CNTN4: variants seen among roughly 807,000 people sequenced by gnomAD.
CNTN4 encodes the protein contactin-4.
Under a neutral mutation model 122.5 loss-of-function variants are expected in CNTN4, and 77 were observed. The ratio of observed to expected loss-of-function variants is 0.63; its 90% confidence interval spans 0.52 to 0.76. The LOEUF (loss-of-function observed/expected upper bound fraction) is 0.76, where lower values mean the gene tolerates loss of function less well. CNTN4 is among the 30% of genes least tolerant of loss of function. The pLI is 0.00. For missense variants in CNTN4, 1,256 were observed against 1,259.1 expected, an observed-to-expected ratio of 1.00 and a Z score of 0.04; for synonymous variants, 512 against 447.0, an observed-to-expected ratio of 1.15 and a Z score of -1.83.
chr3:2,235,452 T>C (rs180802230), intron 2 of CNTN4, among the ~76,000 whole-genome samples: 1 of 152,150 alleles, frequency 6.6e-6, no homozygotes, highest in African/African-American at 2.4e-5. Context: ...TTTAACACAT[T>C]CAGTATCTTT....
chr3:2,395,122 G>A (rs1377634399), intron 3 of CNTN4, among the ~76,000 whole-genome samples: 1 of 152,104 alleles, frequency 6.6e-6, no homozygotes, highest in East Asian at 1.9e-4. Flanking sequence ...TAGCAAAAAT[G>A]GAAAGAGCCT....
At chr3:2,463,714 G>A (rs769129732) in intron 3 of CNTN4, among the ~76,000 whole-genome samples, 31 of 151,980 alleles carry the variant, frequency 2.0e-4, no homozygotes, top group Non-Finnish European at 4.3e-4. Context: ...AGCCAAGATC[G>A]TGCGAATTCA....
chr3:3,002,982 T>C lies in CNTN4; in HGVS notation c.1486+14510T>C, dbSNP rs74965518. 1.6e-4 allele frequency among the ~76,000 whole-genome samples: 25 copies of C among 152,312 alleles called. No individual in the cohort carries two copies. The East Asian group carries it at 3.5e-3, about 21-fold the overall frequency. ...CATGCGATGAGGACCTGAAAGGACA[T>C]TGGACTCGGTTTGCCTCGATCTTCA... On this transcript the variant is annotated intron_variant, in intron 14 of 24. Coordinates refer to ENST00000418658, the MANE Select transcript of CNTN4 (RefSeq NM_175607.3).
At chr3:2,430,562 AT>A (rs888840394) in intron 3 of CNTN4, among the ~76,000 whole-genome samples, 3 of 134,264 alleles carry the variant, frequency 2.2e-5, no homozygotes, top group Non-Finnish European at 4.6e-5. Flanking sequence ...AGAAGGTGCC[AT>A]TTTTTAATAA....
At chr3:2,721,375 G>A (rs2087842023) in intron 4 of CNTN4, among the ~76,000 whole-genome samples, 1 of 152,186 alleles carries the variant, frequency 6.6e-6, no homozygotes, top group Admixed American at 6.5e-5. Context: ...GGCTTTTGGG[G>A]CCTCACTGTA....
chr3:2,981,312 C>T (rs546816297), intron 13 of CNTN4, among the ~76,000 whole-genome samples: 2,892 of 151,720 alleles, frequency 0.019, 43 homozygotes, highest in Middle Eastern at 0.031. Context: ...GGCGTGGTGG[C>T]GGGCGCCTGT....
At chr3:2,190,870 C>A (rs2037506757) in intron 2 of CNTN4, among the ~76,000 whole-genome samples, 1 of 151,792 alleles carries the variant, frequency 6.6e-6, no homozygotes, top group Non-Finnish European at 1.5e-5. Context: ...CTCGTACACA[C>A]ACACACACCA....
intron 4 of CNTN4, among the ~76,000 whole-genome samples, chr3:2,630,366 G>T (rs2082376421): frequency 6.6e-6 from 1 of 152,172 alleles, no homozygotes. Context: ...TTGAACCTGG[G>T]AGGCAGAGGT....
intron 7 of CNTN4, among the ~76,000 whole-genome samples, chr3:2,833,006 T>C (rs575718823): frequency 6.6e-6 from 1 of 152,200 alleles, no homozygotes. Context: ...GAGAAAATAC[T>C]TAGTGATAAA....
chr3:2,114,724 T>C (rs2033221181), intron 2 of CNTN4, among the ~76,000 whole-genome samples: 1 of 152,084 alleles, frequency 6.6e-6, no homozygotes, highest in Non-Finnish European at 1.5e-5. Context: ...ATGGGACAAA[T>C]TGGGGAATAT....
chr3:2,524,863 A>G (rs1424763905), intron 3 of CNTN4, among the ~76,000 whole-genome samples: 1 of 152,160 alleles, frequency 6.6e-6, no homozygotes, highest in Admixed American at 6.6e-5. Flanking sequence ...CAATAGGAAA[A>G]AAAAGTTTAA....
chr3:2,714,275 G>A lies in CNTN4; in HGVS notation c.56-21940G>A, dbSNP rs180726406. Among the ~76,000 whole-genome samples the A allele has an allele frequency of 1.1e-3, 168 of 152,228 alleles. 1 individual carries two copies. In the South Asian group the frequency reaches 0.013, roughly 12 times the overall value. On this transcript the variant is annotated intron_variant, in intron 4 of 24. Transcript: ENST00000418658. ...GGTGAGACTCAGAGTGTAAGTAATG[G>A]TTCTAACATCTCATAGCTAGACATA...
chr3:2,975,910 T>C (rs1034331691), intron 13 of CNTN4, among the ~76,000 whole-genome samples: 1 of 152,220 alleles, frequency 6.6e-6, no homozygotes, highest in Non-Finnish European at 1.5e-5. Flanking sequence ...TATGGAATTA[T>C]GTTGAAATTG....
At chr3:2,604,253 T>TA (rs2081167289) in intron 4 of CNTN4, among the ~76,000 whole-genome samples, 1 of 152,132 alleles carries the variant, frequency 6.6e-6, no homozygotes, top group Non-Finnish European at 1.5e-5. Flanking sequence ...TTATTTTTTT[T>TA]AAAAAGTGGA....
chr3:2,830,128 G>A (rs538724331), intron 7 of CNTN4, among the ~76,000 whole-genome samples: 29 of 152,178 alleles, frequency 1.9e-4, no homozygotes, highest in Admixed American at 1.1e-3. Context: ...ACGTTTCTAT[G>A]TGCTTTATTG....
intron 3 of CNTN4, among the ~76,000 whole-genome samples, chr3:2,546,616 G>GT (rs2078256377): frequency 6.6e-6 from 1 of 151,992 alleles, no homozygotes; most frequent in South Asian, 2.1e-4. Context: ...TATGTAACAT[G>GT]TTTGTTAACC....
Position 2,883,244 on chromosome 3 carries a change from G to C in CNTN4, c.752G>C (p.Gly251Ala), listed in dbSNP as rs772059129. Residue 251 changes from glycine (G) to alanine (A), a missense_variant, in exon 9 of 25, where the codon GGA (glycine) becomes GCA (alanine). Coordinates refer to ENST00000418658, the MANE Select transcript of CNTN4 (RefSeq NM_175607.3). Reference protein sequence around the residue: ...ATVKLECFALGNPVPTIIWRR... With the variant: ...ATVKLECFALANPVPTIIWRR... ...GTGAAGCTGGAATGCTTTGCTTTAG[G>C]AAAGTAAGTTCTGGTTTGCGTTCCT... The C allele has an allele frequency of 6.2e-7, 1 of 1,612,354 alleles. No homozygotes were observed. Among genetic ancestry groups the C allele is most frequent in the South Asian group, 1.1e-5 (1 of 90,866 alleles).
intron 11 of CNTN4, among the ~76,000 whole-genome samples, chr3:2,902,353 C>T (rs980103770): frequency 1.3e-5 from 2 of 152,096 alleles, no homozygotes; most frequent in Non-Finnish European, 2.9e-5. Flanking sequence ...CAGCAATAAA[C>T]TAAGGGAATA....
At chr3:2,876,805 G>T (rs2093849903) in intron 8 of CNTN4, among the ~76,000 whole-genome samples, 1 of 152,154 alleles carries the variant, frequency 6.6e-6, no homozygotes, top group Non-Finnish European at 1.5e-5. Flanking sequence ...ACTCTGGATG[G>T]ACTTGGTCCC....
Sources: gnomAD v4.1 joint callset for allele counts (sites outside exome capture counted in the v4.1 genomes callset) on GRCh38, gnomAD v4.1.1 for gene constraint, MANE v1.5 for transcripts, NCBI Gene and HGNC (gene_info 2026-07-23, HGNC 2026-07-21) for gene names.